Variants in TMEM167A observed in about 807,000 individuals in gnomAD.
TMEM167A encodes the protein transmembrane protein 167A.
Under a neutral mutation model 11.6 loss-of-function variants are expected in TMEM167A, and 8 were observed. The ratio of observed to expected loss-of-function variants is 0.69; its 90% CI spans 0.40 to 1.24. TMEM167A has a LOEUF of 1.24. Ranked by LOEUF, TMEM167A falls within the 50% of genes most tolerant of loss-of-function variation. TMEM167A has a pLI of 0.01. For missense variants in TMEM167A, 62 were observed against 87.0 expected, an observed-to-expected ratio of 0.71 and a Z score of 1.14; for synonymous variants, 22 against 28.0, an observed-to-expected ratio of 0.79 and a Z score of 0.67.
intron 1 of TMEM167A, among the ~76,000 whole-genome samples, chr5:83,070,518 TA>T (rs1744544516): frequency 1.3e-5 from 2 of 152,296 alleles, no homozygotes. Flanking sequence ...CATTTTGAAG[TA>T]AATCACATTT....
rs1483941038 is a variant in TMEM167A at position 83,053,276 on chromosome 5, G to A, written c.*3808C>T. The A allele has an allele frequency of 3.3e-5, 5 of 151,922 alleles. No homozygotes were observed. The highest frequency in any genetic ancestry group is 9.7e-5 in the African/African-American group (4 of 41,396). The allele number at this position is 151,922 out of a possible 1,614,324, so 9.4% of individuals were successfully genotyped here. ...AAAAGCGTAAGTCCTTGCTTTTTGA[G>A]AATTTTTTTTTGTGCACCCAGGAAA... On this transcript the variant is annotated 3_prime_UTR_variant, in exon 4 of 4. Transcript: ENST00000502346.
intron 3 of TMEM167A, among the ~76,000 whole-genome samples, chr5:83,060,746 A>G (rs112907904): frequency 2.6e-3 from 396 of 151,632 alleles, no homozygotes; most frequent in African/African-American, 8.8e-3. Context: ...CAGGAGAAAC[A>G]CTTGAACCTG....
chr5:83,063,075 C>T (rs1285233770), intron 2 of TMEM167A, among the ~76,000 whole-genome samples: 1 of 151,782 alleles, frequency 6.6e-6, no homozygotes, highest in Non-Finnish European at 1.5e-5. Context: ...TGGAATTAAG[C>T]AAAAACATGA....
intron 1 of TMEM167A, among the ~76,000 whole-genome samples, chr5:83,073,285 T>G (rs1182060041): frequency 6.6e-6 from 1 of 152,174 alleles, no homozygotes; most frequent in African/African-American, 2.4e-5. Context: ...ACGAAAACAG[T>G]AAGCCCTCAC....
At chr5:83,058,369 T>C (rs146865071) in intron 3 of TMEM167A, among the ~76,000 whole-genome samples, 396 of 152,206 alleles carry the variant, frequency 2.6e-3, no homozygotes, top group African/African-American at 8.8e-3. Flanking sequence ...TTGTTTAATC[T>C]GTAGACATTT....
chr5:83,068,624 G>C (rs1369254906), intron 1 of TMEM167A, among the ~76,000 whole-genome samples: 3 of 151,856 alleles, frequency 2.0e-5, no homozygotes, highest in Admixed American at 6.6e-5. Context: ...TGGGCAAATA[G>C]CAAGCTCCAG....
chr5:83,072,498 C>T (rs962217159), intron 1 of TMEM167A, among the ~76,000 whole-genome samples: 1 of 152,150 alleles, frequency 6.6e-6, no homozygotes, highest in African/African-American at 2.4e-5. Context: ...TTGGATTTAA[C>T]TGGTCTGGGC....
At position 83,056,920 on chromosome 5, in the gene TMEM167A, C is replaced by A. The variant is rs1298459511; in HGVS notation, c.*164G>T. The A allele has an allele frequency of 4.4e-6, 3 of 680,124 alleles. No homozygotes were observed. The highest frequency in any genetic ancestry group is 5.5e-5 in the East Asian group (2 of 36,610). 42.1% of individuals were successfully genotyped at this position (680,124 alleles called of 1,614,324 possible). ...AATGGTTACATCTTAATTGTTTATACAGAACATTGGTCCAATAACATTAAA... is the reference window on the plus strand; with the variant it reads ...AATGGTTACATCTTAATTGTTTATAAAGAACATTGGTCCAATAACATTAAA... On this transcript the variant is annotated 3_prime_UTR_variant, in exon 4 of 4. Coordinates refer to ENST00000502346, the MANE Select transcript of TMEM167A (RefSeq NM_174909.5).
intron 3 of TMEM167A, 112 bp from the exon 4 acceptor site, chr5:83,057,266 C>T (rs1744346645): frequency 2.2e-6 from 2 of 923,972 alleles, no homozygotes; most frequent in Admixed American, 2.0e-5. Context: ...GAGGCCCGCA[C>T]ATTGGGGGTG....
At chr5:83,072,843 T>G (rs534965714) in intron 1 of TMEM167A, among the ~76,000 whole-genome samples, 2 of 152,158 alleles carry the variant, frequency 1.3e-5, no homozygotes, top group Non-Finnish European at 2.9e-5. Flanking sequence ...CAGATTCCTA[T>G]TAGCCTAATG....
intron 1 of TMEM167A, among the ~76,000 whole-genome samples, chr5:83,076,373 G>C (rs1744661739): frequency 6.6e-6 from 1 of 152,284 alleles, no homozygotes; most frequent in Non-Finnish European, 1.5e-5. Flanking sequence ...CTTATTTTTA[G>C]CTAGTCTGAC....
At chr5:83,064,835 A>G (rs1400500917) in intron 2 of TMEM167A, among the ~76,000 whole-genome samples, 173 bp downstream of exon 2, 2 of 152,276 alleles carry the variant, frequency 1.3e-5, no homozygotes, top group South Asian at 4.1e-4. Flanking sequence ...CTTTTAATTT[A>G]GTAAGATATT....
Position 83,053,466 on chromosome 5 carries a change from C to T in TMEM167A, c.*3618G>A, listed in dbSNP as rs2094471455. ...TTCAGGCAAGTCTTCGGAAAGTATA[C>T]TACTGTATTCCTAGTCCAAAATAAG... On this transcript the variant is annotated 3_prime_UTR_variant, in exon 4 of 4. Coordinates refer to ENST00000502346, the MANE Select transcript of TMEM167A (RefSeq NM_174909.5). 1 of 151,994 alleles carries T rather than the reference C, an allele frequency of 6.6e-6. No individual in the cohort carries two copies. Among genetic ancestry groups the T allele is most frequent in the Admixed American group, 6.6e-5 (1 of 15,212 alleles). The allele number at this position is 151,994 out of a possible 1,614,324, so 9.4% of individuals were successfully genotyped here.
chr5:83,057,247 C>G, intron 3 of TMEM167A, 93 bp from the exon 4 acceptor site: 1 of 1,248,708 alleles, frequency 8.0e-7, no homozygotes, highest in Non-Finnish European at 1.2e-6. Context: ...AGATAACATT[C>G]TTCCCTAGGA....
intron 3 of TMEM167A, among the ~76,000 whole-genome samples, chr5:83,061,016 T>C (rs966855345): frequency 6.6e-6 from 1 of 152,142 alleles, no homozygotes; most frequent in Non-Finnish European, 1.5e-5. Flanking sequence ...TCATGGAAAG[T>C]TGTAAGACAA....
rs1744280908 is a variant in TMEM167A, at chr5:83,053,033, GTAT to G, written c.*4048_*4050del. Reference sequence around the variant, plus strand: ...CAAAGTAAAAGTCATGGAAGGCAGTGTATAAATAACATTAATTATGAAGCTACT... The same window carrying G: ...CAAAGTAAAAGTCATGGAAGGCAGTGAAATAACATTAATTATGAAGCTACT... On this transcript the variant is annotated 3_prime_UTR_variant, in exon 4 of 4. Coordinates refer to ENST00000502346, the MANE Select transcript of TMEM167A (RefSeq NM_174909.5). 6.6e-6 allele frequency: 1 copy of G among 151,868 alleles called. No homozygotes were observed. Among genetic ancestry groups the G allele is most frequent in the Non-Finnish European group, 1.5e-5 (1 of 67,878 alleles). The allele number at this position is 151,868 out of a possible 1,614,324, so 9.4% of individuals were successfully genotyped here.
chr5:83,053,875 T>C lies in TMEM167A; in HGVS notation c.*3209A>G, dbSNP rs978285524. 3 of 152,030 alleles carry C rather than the reference T, an allele frequency of 2.0e-5. No individual in the cohort carries two copies. Among genetic ancestry groups the C allele is most frequent in the African/African-American group, 7.2e-5 (3 of 41,430 alleles). The allele number at this position is 152,030 out of a possible 1,614,324, so 9.4% of individuals were successfully genotyped here. A position where few individuals can be genotyped will look rare whatever the true frequency, so the allele number is the denominator to read the frequency against. On this transcript the variant is annotated 3_prime_UTR_variant, in exon 4 of 4. Coordinates refer to ENST00000502346, the MANE Select transcript of TMEM167A (RefSeq NM_174909.5). ...TAATAAATGCCATCACATTGTACTT[T>C]TAATACATACTTCATCTCTTTCACC...
At chr5:83,077,265 T>C (rs1744697404) in intron 1 of TMEM167A, 56 bp downstream of exon 1, 1 of 1,614,020 alleles carries the variant, frequency 6.2e-7, no homozygotes, top group Non-Finnish European at 8.5e-7. Flanking sequence ...AGCCCTAGTC[T>C]AGATCCACAA....
At chr5:83,072,395 A>C (rs1378984560) in intron 1 of TMEM167A, among the ~76,000 whole-genome samples, 2 of 152,232 alleles carry the variant, frequency 1.3e-5, no homozygotes, top group Non-Finnish European at 2.9e-5. Context: ...CAAGAAAAAA[A>C]CAAAAACTGA....
Sources: gnomAD v4.1 joint callset for allele counts (sites outside exome capture counted in the v4.1 genomes callset) on GRCh38, gnomAD v4.1.1 for gene constraint, MANE v1.5 for transcripts, NCBI Gene and HGNC (gene_info 2026-07-23, HGNC 2026-07-21) for gene names.